DNER: variants seen among roughly 807,000 people sequenced by gnomAD.
DNER encodes the protein delta and Notch-like epidermal growth factor-related receptor.
Under a neutral mutation model 78.2 loss-of-function variants are expected in DNER, and 33 were observed. The ratio of observed to expected loss-of-function variants is 0.42; its 90% CI spans 0.32 to 0.56. The LOEUF is 0.56. Among genes scored for constraint, DNER ranks in the 20% least tolerant of loss-of-function variants. The probability of loss-of-function intolerance (pLI) is 0.11; values close to 1 mark genes in which losing one functional copy is unlikely to be tolerated. For missense variants in DNER, 918 were observed against 975.3 expected, an observed-to-expected ratio of 0.94 and a Z score of 0.78; for synonymous variants, 417 against 384.8, an observed-to-expected ratio of 1.08 and a Z score of -0.98.
intron 5 of DNER, 123 bp downstream of exon 5, chr2:229,546,824 G>A: frequency 1.4e-6 from 2 of 1,387,546 alleles, no homozygotes; most frequent in South Asian, 1.3e-5. Context: ...CAGACAGACA[G>A]ACAGACAGAT....
chr2:229,643,822 T>A (rs1180191566), intron 1 of DNER, among the ~76,000 whole-genome samples: 2 of 152,254 alleles, frequency 1.3e-5, no homozygotes, highest in Non-Finnish European at 1.5e-5. Flanking sequence ...TTTCTTTCCT[T>A]GTTTATGCTC....
chr2:229,510,713 T>C (rs1414648186), intron 6 of DNER, among the ~76,000 whole-genome samples: 2 of 152,222 alleles, frequency 1.3e-5, no homozygotes, highest in South Asian at 2.1e-4. Context: ...GAGCTTAGGT[T>C]GTCCTGGGAC....
rs1694134374 is a variant in DNER at position 229,436,985 on chromosome 2, TA to T, written c.1486+10330del. ...ATGTAAATGGGCTACATGCCCCAAT[TA>T]AAAGGCACAGAGTGGCCGGTTGGAT... On this transcript the variant is annotated intron_variant, in intron 8 of 12. Transcript: ENST00000341772. Among the ~76,000 whole-genome samples the T allele has an allele frequency of 4.6e-5, 7 of 152,316 alleles. No individual in the cohort carries two copies. The South Asian group carries it at 1.5e-3, about 32-fold the overall frequency.
At chr2:229,699,602 C>A (rs560132030) in intron 1 of DNER, among the ~76,000 whole-genome samples, 1 of 152,066 alleles carries the variant, frequency 6.6e-6, no homozygotes, top group African/African-American at 2.4e-5. Context: ...TAGGCTCAAG[C>A]GATCCACCCA....
At chr2:229,557,446 G>A (rs1202959345) in intron 4 of DNER, among the ~76,000 whole-genome samples, 2 of 152,160 alleles carry the variant, frequency 1.3e-5, no homozygotes, top group African/African-American at 2.4e-5. Flanking sequence ...CAGTGAGAAT[G>A]ACAGTCTGGA....
chr2:229,537,648 A>G (rs1696432566), intron 5 of DNER, among the ~76,000 whole-genome samples: 1 of 152,204 alleles, frequency 6.6e-6, no homozygotes, highest in South Asian at 2.1e-4. Context: ...ACATTCCCCA[A>G]TGCTTCTATA....
intron 4 of DNER, among the ~76,000 whole-genome samples, chr2:229,547,581 T>C (rs1041158940): frequency 6.6e-6 from 1 of 152,210 alleles, no homozygotes; most frequent in Non-Finnish European, 1.5e-5. Context: ...AGTTATCACC[T>C]GCCCTAGTCT....
intron 7 of DNER, among the ~76,000 whole-genome samples, chr2:229,458,941 T>C (rs1694634141): frequency 6.6e-6 from 1 of 152,014 alleles, no homozygotes; most frequent in Admixed American, 6.5e-5. Context: ...AAAGTCAATA[T>C]ACAAAAATCA....
At chr2:229,660,766 T>C (rs1010104064) in intron 1 of DNER, among the ~76,000 whole-genome samples, 9 of 152,166 alleles carry the variant, frequency 5.9e-5, no homozygotes, top group Admixed American at 2.6e-4. Context: ...TATCTCTTAG[T>C]TTTGGGGTGA....
intron 1 of DNER, among the ~76,000 whole-genome samples, chr2:229,690,070 A>C (rs1699542721): frequency 6.6e-6 from 1 of 152,232 alleles, no homozygotes; most frequent in Non-Finnish European, 1.5e-5. Context: ...ATTCATGAGT[A>C]AATCTTCCAA....
chr2:229,699,826 G>T (rs551407906), intron 1 of DNER, among the ~76,000 whole-genome samples: 1 of 152,222 alleles, frequency 6.6e-6, no homozygotes, highest in South Asian at 2.1e-4. Context: ...AATTAAAATT[G>T]ATCAGCTTCC....
chr2:229,644,754 C>A (rs572800701), intron 1 of DNER, among the ~76,000 whole-genome samples: 1 of 152,144 alleles, frequency 6.6e-6, no homozygotes, highest in African/African-American at 2.4e-5. Flanking sequence ...ATGCACCATT[C>A]CTTAGATCAT....
intron 4 of DNER, among the ~76,000 whole-genome samples, chr2:229,583,282 C>G (rs535375891): frequency 5.3e-5 from 8 of 152,308 alleles, no homozygotes; most frequent in African/African-American, 1.9e-4. Context: ...GCATGTAATG[C>G]ACCTGACCTA....
At chr2:229,633,320 TA>T (rs1383847034) in intron 1 of DNER, among the ~76,000 whole-genome samples, 1 of 152,216 alleles carries the variant, frequency 6.6e-6, no homozygotes, top group African/African-American at 2.4e-5. Context: ...AAGCAGGATA[TA>T]AAATCATTCA....
intron 4 of DNER, among the ~76,000 whole-genome samples, chr2:229,552,200 G>A (rs1031884398): frequency 1.3e-5 from 2 of 152,168 alleles, no homozygotes; most frequent in African/African-American, 4.8e-5. Flanking sequence ...ATGCTTGAGG[G>A]ACCACTCTGG....
chr2:229,518,294 G>A (rs1016693317), intron 5 of DNER, among the ~76,000 whole-genome samples: 6 of 152,316 alleles, frequency 3.9e-5, no homozygotes, highest in Admixed American at 2.0e-4. Flanking sequence ...TTCAACACAC[G>A]TTTTTTGAAC....
intron 1 of DNER, among the ~76,000 whole-genome samples, chr2:229,701,459 C>CTGAAATATACAAAAAA (rs1275277064): frequency 6.6e-6 from 1 of 152,200 alleles, no homozygotes; most frequent in African/African-American, 2.4e-5. Context: ...AAAAAATGCT[C>CTGAAATATACAAAAAA]ATTGTTTATC....
intron 1 of DNER, among the ~76,000 whole-genome samples, chr2:229,659,453 A>G (rs1698969094): frequency 6.6e-6 from 1 of 152,156 alleles, no homozygotes; most frequent in Non-Finnish European, 1.5e-5. Context: ...TATGATATAA[A>G]TATTTTTGGT....
chr2:229,517,996 C>T (rs1315232049), intron 5 of DNER, among the ~76,000 whole-genome samples: 2 of 152,198 alleles, frequency 1.3e-5, no homozygotes, highest in African/African-American at 2.4e-5. Context: ...TGTCGCTCTA[C>T]GTTAAATTAC....
Sources: gnomAD v4.1 joint callset for allele counts (sites outside exome capture counted in the v4.1 genomes callset) on GRCh38, gnomAD v4.1.1 for gene constraint, MANE v1.5 for transcripts, NCBI Gene and HGNC (gene_info 2026-07-23, HGNC 2026-07-21) for gene names.